Variants in DGKB observed in about 807,000 individuals in gnomAD.
DGKB encodes 90 kDa diacylglycerol kinase.
A neutral mutation model predicts 114.3 loss-of-function variants in DGKB; 67 were observed. The ratio of observed to expected loss-of-function variants is 0.59; its 90% CI spans 0.48 to 0.72. The LOEUF is 0.72. Ranked by LOEUF, DGKB falls within the 30% of genes least tolerant of loss-of-function variation. The pLI, the probability that DGKB is intolerant of heterozygous loss-of-function variation, is 0.00. For missense variants in DGKB, 907 were observed against 975.2 expected (o/e 0.93, Z 0.93); for synonymous variants, 398 against 323.1 (o/e 1.23, Z -2.49).
intron 20 of DGKB, among the ~76,000 whole-genome samples, chr7:14,551,562 G>C (rs539610887): frequency 6.6e-6 from 1 of 152,158 alleles, no homozygotes; most frequent in African/African-American, 2.4e-5. Flanking sequence ...AGGGAAAACA[G>C]AATTGGGCTA....
At chr7:14,701,765 G>C in intron 6 of DGKB, 35 bp from the exon 7 acceptor site, 4 of 1,427,094 alleles carry the variant, frequency 2.8e-6, no homozygotes, top group Non-Finnish European at 4.0e-6. Flanking sequence ...CAAGATTATA[G>C]GCAAATAAGA....
chr7:14,689,738 T>C (rs1822481356), intron 9 of DGKB, among the ~76,000 whole-genome samples: 1 of 152,178 alleles, frequency 6.6e-6, no homozygotes, highest in Admixed American at 6.5e-5. Flanking sequence ...TTGAGCAAAG[T>C]ATAGACAGCA....
intron 23 of DGKB, among the ~76,000 whole-genome samples, chr7:14,247,278 C>T (rs1282606658): frequency 6.6e-6 from 1 of 152,090 alleles, no homozygotes; most frequent in African/African-American, 2.4e-5. Flanking sequence ...AGGTTGGTTT[C>T]ATATTTTGGC....
At chr7:14,805,059 A>T (rs957126016) in intron 2 of DGKB, among the ~76,000 whole-genome samples, 1 of 152,090 alleles carries the variant, frequency 6.6e-6, no homozygotes, top group Non-Finnish European at 1.5e-5. Flanking sequence ...CATTTTGAGT[A>T]GAAGATGTTC....
rs567394935 is a variant in DGKB at position 14,728,860 on chromosome 7, G to A, written c.322+7181C>T. On this transcript the variant is annotated intron_variant, in intron 5 of 25. Transcript: ENST00000402815. ...TAGGATTACAGGTGTGCACCACCAC[G>A]CCCAGCTGATTTTTGTATTTTTAGT... 2.6e-5 allele frequency among the ~76,000 whole-genome samples: 4 copies of A among 151,508 alleles called. No homozygotes were observed. In the East Asian group the frequency reaches 7.9e-4, roughly 30 times the overall value.
At chr7:14,252,824 C>T (rs1795435451) in intron 23 of DGKB, among the ~76,000 whole-genome samples, 1 of 152,186 alleles carries the variant, frequency 6.6e-6, no homozygotes, top group Admixed American at 6.5e-5. Context: ...ACTCGTTTCA[C>T]TCTTCTTTCC....
At position 14,877,385 on chromosome 7, in the gene DGKB, G is replaced by A. The variant is rs113834760; in HGVS notation, c.-188+25207C>T. Among the ~76,000 whole-genome samples, 298 of 152,082 alleles carry A rather than the reference G, an allele frequency of 2.0e-3. 1 individual carries two copies. Among genetic ancestry groups the A allele is most frequent in the African/African-American group, 7.1e-3 (294 of 41,490 alleles). On this transcript the variant is annotated intron_variant, in intron 1 of 25. Transcript: ENST00000402815. ...AGCCTGACCAACATGGAGAAACCCC[G>A]TCTCTACTGAAAATAAAAAATTAGC...
chr7:14,474,433 T>G (rs57875621), intron 21 of DGKB, among the ~76,000 whole-genome samples: 108 of 152,344 alleles, frequency 7.1e-4, no homozygotes, highest in African/African-American at 2.2e-3. Flanking sequence ...TATGTCTTTA[T>G]CAGCAGCGTG....
intron 1 of DGKB, among the ~76,000 whole-genome samples, chr7:14,874,811 AG>A (rs1853027126): frequency 6.6e-6 from 1 of 152,192 alleles, no homozygotes; most frequent in African/African-American, 2.4e-5. Context: ...CAGATTTATT[AG>A]TAGATACAAT....
chr7:14,955,598 C>T (rs1371146204), intron 1 of DGKB, among the ~76,000 whole-genome samples: 1 of 151,850 alleles, frequency 6.6e-6, no homozygotes, highest in African/African-American at 2.4e-5. Context: ...TTAAGCAAAG[C>T]CTAAAGCTCC....
At chr7:14,216,677 G>C (rs1327322716) in intron 23 of DGKB, among the ~76,000 whole-genome samples, 1 of 125,784 alleles carries the variant, frequency 8.0e-6, no homozygotes, top group Non-Finnish European at 1.6e-5. Flanking sequence ...AGTGAACCGA[G>C]ATTGAAACAT....
intron 23 of DGKB, among the ~76,000 whole-genome samples, chr7:14,242,965 A>T (rs1793907535): frequency 4.6e-5 from 7 of 151,934 alleles, no homozygotes; most frequent in Admixed American, 4.6e-4. Context: ...GCATATGCAC[A>T]TTTGTTAACA....
intron 21 of DGKB, among the ~76,000 whole-genome samples, chr7:14,435,389 A>G (rs538364421): frequency 6.6e-6 from 1 of 152,234 alleles, no homozygotes; most frequent in Admixed American, 6.6e-5. Context: ...GCTCCAGTTC[A>G]GTTCCTGCTC....
chr7:14,483,049 T>C (rs961364948), intron 20 of DGKB, among the ~76,000 whole-genome samples: 25 of 152,106 alleles, frequency 1.6e-4, no homozygotes, highest in Admixed American at 1.2e-3. Context: ...GTTTTCTTAA[T>C]TTCTCTGCTA....
At chr7:14,389,823 G>A (rs1821048370) in intron 21 of DGKB, among the ~76,000 whole-genome samples, 1 of 152,134 alleles carries the variant, frequency 6.6e-6, no homozygotes, top group African/African-American at 2.4e-5. Context: ...CTGGCTTACT[G>A]AACTCCTTTG....
intron 17 of DGKB, among the ~76,000 whole-genome samples, chr7:14,584,727 C>T (rs1584960520): frequency 6.6e-6 from 1 of 151,622 alleles, no homozygotes; most frequent in South Asian, 2.1e-4. Flanking sequence ...GGTGCAATCT[C>T]GACTCACTGC....
intron 23 of DGKB, among the ~76,000 whole-genome samples, chr7:14,272,499 C>T (rs1033266207): frequency 6.6e-6 from 1 of 152,104 alleles, no homozygotes; most frequent in African/African-American, 2.4e-5. Flanking sequence ...ATTTTCCAAC[C>T]ATTTTTCTAT....
upstream of DGKB, among the ~76,000 whole-genome samples, chr7:14,905,650 A>T (rs562827547): frequency 2.0e-5 from 3 of 152,334 alleles, no homozygotes; most frequent in South Asian, 6.2e-4. Flanking sequence ...TCATCAAAAC[A>T]AGTATTCCCA....
intron 6 of DGKB, among the ~76,000 whole-genome samples, chr7:14,711,163 T>A (rs1827294876): frequency 6.6e-6 from 1 of 152,090 alleles, no homozygotes; most frequent in Non-Finnish European, 1.5e-5. Flanking sequence ...GAAACTAATA[T>A]TTTAAATAAT....
Sources: gnomAD v4.1 joint callset for allele counts (sites outside exome capture counted in the v4.1 genomes callset) on GRCh38, gnomAD v4.1.1 for gene constraint, MANE v1.5 for transcripts, NCBI Gene and HGNC (gene_info 2026-07-23, HGNC 2026-07-21) for gene names.